LRP1B: variants seen among roughly 807,000 people sequenced by gnomAD.
LRP1B encodes the protein low-density lipoprotein receptor-related protein 1B.
A neutral mutation model predicts 556.6 loss-of-function variants in LRP1B; 217 were observed. The ratio of observed to expected loss-of-function variants is 0.39; its 90% CI spans 0.35 to 0.44. The LOEUF is 0.44. Among genes scored for constraint, LRP1B ranks in the 20% least tolerant of loss-of-function variants. The pLI is 1.00. For synonymous variants in LRP1B, 2,047 were observed against 1,865.8 expected (o/e 1.10, Z -2.50); for missense variants, 5,053 against 5,620.8 (o/e 0.90, Z 3.23).
rs1220936014 is a variant in LRP1B at position 140,702,539 on chromosome 2, G to T, written c.6038C>A (p.Thr2013Asn). The change falls in exon 38 of 91, where the codon ACT (threonine) becomes AAT (asparagine). Residue 2013 changes from threonine to asparagine, a missense_variant. Physicochemically the swap from Thr to Asn is moderately conservative, Grantham distance 65 (BLOSUM62 0). This residue lies in a region of LRP1B where 3,619 missense variants were observed against 3,931.9 expected (regional missense o/e 0.92). Transcript: ENST00000389484. ...AATACAGGGCATTTGTCCCCATTCA[G>T]TCCAGAACAAGAGGCTGAAATTAAA... ...VHPEKGLLFW[T>N]EWGQMPCIGK... The T allele has an allele frequency of 1.2e-6, 2 of 1,613,130 alleles. No individual in the cohort carries two copies. Among genetic ancestry groups the T allele is most frequent in the Non-Finnish European group, 1.7e-6 (2 of 1,179,450 alleles).
At chr2:141,777,577 G>A (rs1275077204) in intron 2 of LRP1B, among the ~76,000 whole-genome samples, 10 of 151,986 alleles carry the variant, frequency 6.6e-5, no homozygotes, top group South Asian at 2.1e-4. Context: ...CACCACACCC[G>A]GCTTATTTTG....
At chr2:142,083,598 G>T (rs1705799520) in intron 1 of LRP1B, among the ~76,000 whole-genome samples, 1 of 152,136 alleles carries the variant, frequency 6.6e-6, no homozygotes, top group Non-Finnish European at 1.5e-5. Flanking sequence ...AATTCAGATG[G>T]AGCTATAGTA....
In LRP1B at chr2:141,574,283, G is replaced by A. The variant is rs999197608; in HGVS notation, c.206-93750C>T. On this transcript the variant is annotated intron_variant, in intron 2 of 90. Coordinates refer to ENST00000389484, the MANE Select transcript of LRP1B (RefSeq NM_018557.3). Reference sequence around the variant, plus strand: ...GCTTCATCCCTGGGATGCAAGGCTGGTTCAACATATGCAAATCAATACATG... The same window carrying A: ...GCTTCATCCCTGGGATGCAAGGCTGATTCAACATATGCAAATCAATACATG... Among the ~76,000 whole-genome samples the A allele has an allele frequency of 5.3e-5, 8 of 152,118 alleles. No individual in the cohort carries two copies. The South Asian group carries it at 1.7e-3, about 32-fold the overall frequency.
chr2:141,417,789 T>C (rs1450654603), intron 3 of LRP1B, among the ~76,000 whole-genome samples: 2 of 146,848 alleles, frequency 1.4e-5, no homozygotes, highest in African/African-American at 5.0e-5. Flanking sequence ...CAAATCTCCA[T>C]ACTGTTTTAG....
intron 35 of LRP1B, among the ~76,000 whole-genome samples, chr2:140,743,964 T>G (rs1688226702): frequency 3.2e-4 from 1 of 3,106 alleles, no homozygotes; most frequent in Non-Finnish European, 8.5e-4. Flanking sequence ...AGACTTGGTC[T>G]CAAAAAAAAA....
At chr2:141,004,859 C>G (rs1697523443) in intron 15 of LRP1B, among the ~76,000 whole-genome samples, 1 of 151,996 alleles carries the variant, frequency 6.6e-6, no homozygotes, top group Non-Finnish European at 1.5e-5. Flanking sequence ...TGCCTTTAAT[C>G]CAGATCAATC....
chr2:141,424,698 G>C (rs943107100), intron 3 of LRP1B, among the ~76,000 whole-genome samples: 2 of 151,996 alleles, frequency 1.3e-5, no homozygotes, highest in African/African-American at 4.8e-5. Context: ...TTAACACCAA[G>C]TTTGACTGAT....
At chr2:140,772,225 C>T (rs1000796081) in intron 33 of LRP1B, among the ~76,000 whole-genome samples, 2 of 151,566 alleles carry the variant, frequency 1.3e-5, no homozygotes, top group Non-Finnish European at 2.9e-5. Context: ...TGATGTATAA[C>T]ATTAAGATGA....
At chr2:141,848,894 C>T (rs1303565424) in intron 1 of LRP1B, among the ~76,000 whole-genome samples, 1 of 151,430 alleles carries the variant, frequency 6.6e-6, no homozygotes, top group African/African-American at 2.4e-5. Context: ...TTTATTGATG[C>T]CATTCAGATG....
chr2:141,816,107 G>A (rs1282697781), intron 1 of LRP1B, among the ~76,000 whole-genome samples: 1 of 152,048 alleles, frequency 6.6e-6, no homozygotes, highest in African/African-American at 2.4e-5. Flanking sequence ...TCACCTATAG[G>A]GAGGGATAGA....
chr2:141,201,840 A>G (rs1349130301), intron 6 of LRP1B, among the ~76,000 whole-genome samples: 1 of 152,192 alleles, frequency 6.6e-6, no homozygotes, highest in African/African-American at 2.4e-5. Context: ...ATCCTGTTAG[A>G]TCAATGTTAT....
chr2:141,895,048 C>CAA (rs369108197), intron 1 of LRP1B, among the ~76,000 whole-genome samples: 2,580 of 78,276 alleles, frequency 0.033, 52 homozygotes, highest in Middle Eastern at 0.065. Flanking sequence ...AACTCCATCT[C>CAA]AAAAAAAAAA....
chr2:141,638,982 T>C (rs1689207280), intron 2 of LRP1B, among the ~76,000 whole-genome samples: 1 of 61,778 alleles, frequency 1.6e-5, no homozygotes, highest in African/African-American at 5.7e-5. Context: ...TACCTTAGAG[T>C]CTCAAAAAAA....
intron 3 of LRP1B, among the ~76,000 whole-genome samples, chr2:141,464,604 A>ATTTTTTTTTTTTTTTTTTT (rs1415837703): frequency 2.7e-5 from 2 of 72,794 alleles, no homozygotes; most frequent in Admixed American, 1.4e-4. Context: ...ATATATATAT[A>ATTTTTTTTTTTTTTTTTTT]TATTTTTTTA....
At chr2:141,186,536 C>G (rs934623476) in intron 7 of LRP1B, among the ~76,000 whole-genome samples, 6 of 152,028 alleles carry the variant, frequency 3.9e-5, no homozygotes, top group Admixed American at 1.3e-4. Flanking sequence ...AAGAGTTGAG[C>G]ATTTCCTTCT....
chr2:141,588,462 T>C (rs1687217039), intron 2 of LRP1B, among the ~76,000 whole-genome samples: 1 of 152,104 alleles, frequency 6.6e-6, no homozygotes, highest in African/African-American at 2.4e-5. Context: ...GGGCACAGAG[T>C]ACCATATGAA....
At chr2:141,941,950 G>T (rs750721414) in intron 1 of LRP1B, among the ~76,000 whole-genome samples, 1 of 152,004 alleles carries the variant, frequency 6.6e-6, no homozygotes, top group Non-Finnish European at 1.5e-5. Flanking sequence ...ATATATTTCT[G>T]GAATATTCTG....
rs75611004 is a variant in LRP1B, at chr2:141,120,994, G to A, written c.1014-58721C>T. On this transcript the variant is annotated intron_variant, in intron 7 of 90. Transcript: ENST00000389484. ...ATTACTTTATTGGGAACAATTTGAG[G>A]GTTGGTTAGCTTCTGGGCTAAGCAA... 8.2e-3 allele frequency among the ~76,000 whole-genome samples: 1,240 copies of A among 152,076 alleles called. 15 individuals are homozygous for A. The highest frequency in any genetic ancestry group is 0.027 in the African/African-American group (1,117 of 41,502).
intron 1 of LRP1B, among the ~76,000 whole-genome samples, chr2:141,816,530 C>T (rs558015027): frequency 1.4e-4 from 22 of 152,274 alleles, no homozygotes; most frequent in South Asian, 2.1e-4. Flanking sequence ...CAGCCACAGA[C>T]GAAAGGCTAC....
Sources: gnomAD v4.1 joint callset for allele counts (sites outside exome capture counted in the v4.1 genomes callset) on GRCh38, gnomAD v4.1.1 for gene constraint, gnomAD v4.1.1 regional missense constraint, MANE v1.5 for transcripts, NCBI Gene and HGNC (gene_info 2026-07-23, HGNC 2026-07-21) for gene names.